TANC2: variants seen among roughly 807,000 people sequenced by gnomAD.
The protein encoded by TANC2 is protein TANC2.
In TANC2, 26 loss-of-function variants were observed where a neutral mutation model predicts 210.5. That is an observed-to-expected ratio of 0.12 (90% CI 0.09 to 0.17). The LOEUF is 0.17. TANC2 is among the 10% of genes least tolerant of loss of function. TANC2 has a pLI of 1.00. For missense variants in TANC2, 2,129 were observed against 2,608.9 expected (o/e 0.82, Z 4.01); for synonymous variants, 931 against 967.1 (o/e 0.96, Z 0.69).
At chr17:62,996,989 A>ATTTTTTTTTTTTTTTTTTTTTTTTTTTT (rs1568304676) in intron 1 of TANC2, among the ~76,000 whole-genome samples, 10 of 135,056 alleles carry the variant, frequency 7.4e-5, no homozygotes, top group Admixed American at 2.2e-4. Flanking sequence ...AATTTTTTGT[A>ATTTTTTTTTTTTTTTTTTTTTTTTTTTT]TTTTTAGTAT....
chr17:63,097,385 T>C (rs528123741), intron 3 of TANC2, among the ~76,000 whole-genome samples: 1 of 152,150 alleles, frequency 6.6e-6, no homozygotes, highest in East Asian at 1.9e-4. Context: ...CTTTTTGTTG[T>C]TGAGTTGAAG....
At chr17:63,389,330 G>C (rs1567976190) in exon 17 of TANC2, 2 of 1,611,254 alleles carry the variant, frequency 1.2e-6, no homozygotes, top group Non-Finnish European at 1.7e-6. Context: ...CTGATTTTGG[G>C]AGGTGCCAAT....
chr17:63,114,534 A>G lies in TANC2; in HGVS notation c.322+15177A>G, dbSNP rs2038178715. On this transcript the variant is annotated intron_variant, in intron 4 of 27. Coordinates refer to ENST00000689528, the Ensembl canonical transcript of TANC2. ...CTGATCTGAAGCAGTAGCCATTGCTAGGAAAGACACAACCCCGCGTAGAAA... is the reference window on the plus strand; with the variant it reads ...CTGATCTGAAGCAGTAGCCATTGCTGGGAAAGACACAACCCCGCGTAGAAA... Among the ~76,000 whole-genome samples the G allele has an allele frequency of 3.3e-5, 5 of 152,310 alleles. 1 individual carries two copies. The South Asian group carries it at 1.0e-3, about 32-fold the overall frequency.
At chr17:62,984,480 A>C (rs1267865587) in intron 1 of TANC2, among the ~76,000 whole-genome samples, 1 of 150,866 alleles carries the variant, frequency 6.6e-6, no homozygotes, top group Admixed American at 6.6e-5. Context: ...CTCTGATCGT[A>C]TTCTTTCCTT....
intron 11 of TANC2, among the ~76,000 whole-genome samples, chr17:63,325,060 T>TGGGGTGG (rs1273686281): frequency 2.4e-5 from 2 of 82,610 alleles, no homozygotes; most frequent in Admixed American, 3.4e-4. Flanking sequence ...ATTCTTTGTG[T>TGGGGTGG]GGGGTGGGGG....
chr17:63,422,123 G>A (rs757113057), exon 28 of TANC2: 23 of 810,282 alleles, frequency 2.8e-5, no homozygotes, highest in East Asian at 1.1e-4. Context: ...ACTGGGAAGC[G>A]GCCTCCCGGG....
intron 5 of TANC2, among the ~76,000 whole-genome samples, chr17:63,172,765 A>G (rs967354182): frequency 2.0e-5 from 3 of 152,302 alleles, no homozygotes; most frequent in Admixed American, 1.3e-4. Context: ...TATAAATAAC[A>G]TATGTTCTCT....
Position 63,421,099 on chromosome 17 carries a change from G to C in TANC2, c.5369G>C (p.Arg1790Pro). ...CCACAGCGACCTTCCTCAGCATACC[G>C]AGGTGGCGTGAGATACAGCCAGACA... Residue 1790 changes from arginine to proline, a missense_variant, in exon 28 of 28, where the codon CGA (arginine) becomes CCA (proline). By Grantham distance (103) the Arg-to-Pro change is moderately radical. Coordinates refer to ENST00000689528, the Ensembl canonical transcript of TANC2. The surrounding 1 kb of genome is among the most constrained non-coding windows in gnomAD (Gnocchi z 6.9). The C allele has an allele frequency of 6.2e-7, 1 of 1,613,940 alleles. No individual in the cohort carries two copies. Among genetic ancestry groups the C allele is most frequent in the Non-Finnish European group, 8.5e-7 (1 of 1,179,878 alleles).
chr17:63,413,662 TCAGAA>T (rs1327833834), intron 25 of TANC2, 28 bp downstream of exon 25: 1 of 1,551,718 alleles, frequency 6.4e-7, no homozygotes, highest in Non-Finnish European at 8.8e-7. Flanking sequence ...CACAGTTTCT[TCAGAA>T]CAGCCACTGA....
chr17:63,164,112 A>AGCT (rs2040123419), intron 5 of TANC2, among the ~76,000 whole-genome samples: 1 of 150,058 alleles, frequency 6.7e-6, no homozygotes, highest in Non-Finnish European at 1.5e-5. Context: ...AGCAAATCTT[A>AGCT]GCTGCAGCAT....
intron 4 of TANC2, among the ~76,000 whole-genome samples, chr17:63,101,394 C>G (rs777475360): frequency 6.6e-6 from 1 of 152,186 alleles, no homozygotes; most frequent in Non-Finnish European, 1.5e-5. Context: ...TTCAAACTTT[C>G]AAGTGCCTTG....
chr17:63,061,662 T>G (rs1272763332), intron 2 of TANC2, among the ~76,000 whole-genome samples: 1 of 150,962 alleles, frequency 6.6e-6, no homozygotes, highest in Non-Finnish European at 1.5e-5. Flanking sequence ...ACATGCAGGG[T>G]TTTTTTTTCT....
chr17:63,099,304 T>C, exon 4 of TANC2: 2 of 1,567,968 alleles, frequency 1.3e-6, no homozygotes, highest in Non-Finnish European at 1.7e-6. Flanking sequence ...TCCTCCCCCT[T>C]ACTCACACAT....
chr17:63,045,704 A>T (rs978146482), intron 2 of TANC2, among the ~76,000 whole-genome samples: 1 of 152,126 alleles, frequency 6.6e-6, no homozygotes, highest in Non-Finnish European at 1.5e-5. Context: ...CCAGTGATTT[A>T]TCATCCCAGC....
At chr17:62,984,992 T>A (rs970166392) in intron 1 of TANC2, among the ~76,000 whole-genome samples, 1 of 152,212 alleles carries the variant, frequency 6.6e-6, no homozygotes, top group African/African-American at 2.4e-5. Context: ...AGTTTAAATC[T>A]GATGTTTCTT....
intron 3 of TANC2, among the ~76,000 whole-genome samples, chr17:63,082,950 A>C (rs1431321574): frequency 6.6e-6 from 1 of 152,188 alleles, no homozygotes; most frequent in African/African-American, 2.4e-5. Context: ...GATACAGCCA[A>C]ATTCTTTGAC....
At chr17:63,379,375 G>T (rs904249197) in intron 14 of TANC2, among the ~76,000 whole-genome samples, 4 of 152,162 alleles carry the variant, frequency 2.6e-5, no homozygotes, top group African/African-American at 9.7e-5. Flanking sequence ...CAGAATTGGG[G>T]CATTAACATT....
At chr17:62,984,186 T>G (rs2032450847) in intron 1 of TANC2, among the ~76,000 whole-genome samples, 1 of 152,132 alleles carries the variant, frequency 6.6e-6, no homozygotes, top group African/African-American at 2.4e-5. Context: ...TGAAGTTTTC[T>G]ATTCTTCATT....
intron 2 of TANC2, among the ~76,000 whole-genome samples, chr17:63,069,152 T>C (rs938113413): frequency 3.9e-5 from 6 of 152,180 alleles, no homozygotes; most frequent in African/African-American, 1.4e-4. Flanking sequence ...ATTTTCTATA[T>C]ATTAAATTTA....
Sources: allele counts gnomAD v4.1 joint callset (sites outside exome capture counted in the v4.1 genomes callset), GRCh38; gene constraint gnomAD v4.1.1; non-coding constraint Gnocchi (gnomAD v3.1); transcripts MANE v1.5; gene names NCBI Gene and HGNC (gene_info 2026-07-23, HGNC 2026-07-21).